Variants in ZNF385B observed in about 807,000 individuals in gnomAD.
ZNF385B encodes the protein zinc finger protein 385B.
ZNF385B carries 23 observed loss-of-function variants against 39.2 expected under a neutral mutation model. The observed-to-expected ratio is 0.59, with a 90% CI of 0.42 to 0.83. The LOEUF (loss-of-function observed/expected upper bound fraction) is 0.83. Among genes scored for constraint, ZNF385B ranks in the 40% least tolerant of loss-of-function variants. ZNF385B has a pLI of 0.00. For synonymous variants in ZNF385B, 205 were observed against 222.6 expected, an observed-to-expected ratio of 0.92 and a Z score of 0.70; for missense variants, 552 against 598.9, an observed-to-expected ratio of 0.92 and a Z score of 0.82.
intron 5 of ZNF385B, among the ~76,000 whole-genome samples, chr2:179,488,424 G>A (rs954757816): frequency 6.6e-6 from 1 of 152,130 alleles, no homozygotes; most frequent in African/African-American, 2.4e-5. Context: ...GATTACAGGC[G>A]AGAGCCACTG....
chr2:179,693,739 T>C (rs1219295583), intron 3 of ZNF385B, among the ~76,000 whole-genome samples: 1 of 152,124 alleles, frequency 6.6e-6, no homozygotes, highest in Non-Finnish European at 1.5e-5. Context: ...AAGAAAGCAA[T>C]AACTGCCTGT....
intron 1 of ZNF385B, among the ~76,000 whole-genome samples, chr2:179,838,931 G>A (rs529610148): frequency 3.3e-5 from 5 of 150,102 alleles, no homozygotes; most frequent in Non-Finnish European, 7.4e-5. Context: ...AAAAAAAAGG[G>A]GGGGGGGCAT....
At chr2:179,459,906 C>G (rs2051130814) in intron 6 of ZNF385B, among the ~76,000 whole-genome samples, 2 of 151,698 alleles carry the variant, frequency 1.3e-5, no homozygotes, top group South Asian at 4.2e-4. Context: ...GAGTTCAAGA[C>G]CAGCCTGGCT....
At chr2:179,831,012 AT>A (rs996613905) in intron 1 of ZNF385B, among the ~76,000 whole-genome samples, 1 of 152,138 alleles carries the variant, frequency 6.6e-6, no homozygotes, top group African/African-American at 2.4e-5. Context: ...TAAATCTAAA[AT>A]TTCTCTTAAA....
chr2:179,563,603 A>G (rs1684191300), intron 3 of ZNF385B, among the ~76,000 whole-genome samples: 2 of 152,204 alleles, frequency 1.3e-5, no homozygotes, highest in Admixed American at 1.3e-4. Context: ...TGCAGCAAAG[A>G]AAATGGTAAT....
chr2:179,719,675 A>C (rs1353568760), intron 3 of ZNF385B, among the ~76,000 whole-genome samples: 5 of 152,360 alleles, frequency 3.3e-5, no homozygotes, highest in Non-Finnish European at 7.3e-5. Flanking sequence ...AGCAGTGGGA[A>C]CAGCATGTTA....
chr2:179,641,688 A>G (rs1692280964), intron 3 of ZNF385B, among the ~76,000 whole-genome samples: 1 of 51,502 alleles, frequency 1.9e-5, no homozygotes, highest in South Asian at 1.0e-3. Context: ...CTATGACATA[A>G]CCCTTAAGTA....
chr2:179,724,464 T>C (rs1700880758), intron 3 of ZNF385B, among the ~76,000 whole-genome samples: 2 of 152,216 alleles, frequency 1.3e-5, no homozygotes, highest in Non-Finnish European at 2.9e-5. Flanking sequence ...TTTAGTTATG[T>C]AAATTCTTCC....
chr2:179,807,613 A>T (rs539876297), intron 1 of ZNF385B, among the ~76,000 whole-genome samples: 2 of 151,654 alleles, frequency 1.3e-5, no homozygotes, highest in Non-Finnish European at 2.9e-5. Flanking sequence ...GAGTAAAAAA[A>T]GGCCAGGTGC....
chr2:179,614,896 T>TAGA (rs1689603102), intron 3 of ZNF385B, among the ~76,000 whole-genome samples: 1 of 152,220 alleles, frequency 6.6e-6, no homozygotes, highest in Non-Finnish European at 1.5e-5. Context: ...GTGCATCATG[T>TAGA]ATAATTCATA....
At chr2:179,617,616 C>T (rs1689860109) in intron 3 of ZNF385B, among the ~76,000 whole-genome samples, 1 of 152,144 alleles carries the variant, frequency 6.6e-6, no homozygotes, top group African/African-American at 2.4e-5. Flanking sequence ...GTTTATGCTT[C>T]TGTACGCCTA....
chr2:179,696,325 A>ATTTTTTTTT (rs1333224792), intron 3 of ZNF385B, among the ~76,000 whole-genome samples: 23 of 9,820 alleles, frequency 2.3e-3, no homozygotes, highest in Non-Finnish European at 4.2e-3. Flanking sequence ...ACAAACTGGG[A>ATTTTTTTTT]CTTTTTTTTT....
At position 179,463,302 on chromosome 2, in the gene ZNF385B, C is replaced by T. The variant is rs545972777; in HGVS notation, c.716-16532G>A. Among the ~76,000 whole-genome samples, 160 of 152,148 alleles carry T rather than the reference C, an allele frequency of 1.1e-3. 1 individual carries two copies. Among genetic ancestry groups the T allele is most frequent in the Non-Finnish European group, 1.9e-3 (128 of 67,998 alleles). ...AATTTCTTCCATCTGCACCCATTTT[C>T]TTCACATCTCTGAGGAAAAGGTGTA... On this transcript the variant is annotated intron_variant, in intron 6 of 9. Transcript: ENST00000410066.
intron 1 of ZNF385B, among the ~76,000 whole-genome samples, chr2:179,783,579 T>C (rs547121309): frequency 1.4e-4 from 22 of 152,242 alleles, no homozygotes; most frequent in Admixed American, 1.2e-3. Context: ...CTGCAAACTA[T>C]ACATCTGACA....
intron 1 of ZNF385B, chr2:179,796,220 T>G (rs1705654624): frequency 1.3e-5 from 2 of 152,210 alleles, no homozygotes; most frequent in South Asian, 4.1e-4. Context: ...TGGGGATGAC[T>G]TATGCAAAAT....
chr2:179,620,760 G>C (rs750172736), intron 3 of ZNF385B, among the ~76,000 whole-genome samples: 5 of 152,108 alleles, frequency 3.3e-5, no homozygotes, highest in Non-Finnish European at 7.4e-5. Context: ...TTAAGACTTT[G>C]TTGAGATGGC....
chr2:179,595,900 G>A (rs911969738), intron 3 of ZNF385B, among the ~76,000 whole-genome samples: 5 of 151,866 alleles, frequency 3.3e-5, no homozygotes, highest in African/African-American at 4.8e-5. Flanking sequence ...AGGAATATGT[G>A]CATTTATAAC....
At chr2:179,717,120 C>T (rs1278516719) in intron 3 of ZNF385B, among the ~76,000 whole-genome samples, 1 of 151,954 alleles carries the variant, frequency 6.6e-6, no homozygotes, top group Non-Finnish European at 1.5e-5. Flanking sequence ...AATGTTTAGG[C>T]CCTCAAAATG....
At chr2:179,462,474 G>A (rs1035918451) in intron 6 of ZNF385B, among the ~76,000 whole-genome samples, 5 of 151,988 alleles carry the variant, frequency 3.3e-5, no homozygotes, top group Non-Finnish European at 7.4e-5. Flanking sequence ...TGCCTTGTTC[G>A]TCTCCTCCTT....
Sources: allele counts gnomAD v4.1 joint callset (sites outside exome capture counted in the v4.1 genomes callset), GRCh38; gene constraint gnomAD v4.1.1; transcripts MANE v1.5; gene names NCBI Gene and HGNC (gene_info 2026-07-23, HGNC 2026-07-21).